Variants in L3MBTL4 observed in about 807,000 individuals in gnomAD.
L3MBTL4 encodes lethal(3)malignant brain tumor-like protein 4.
In L3MBTL4, 70 loss-of-function variants were observed where a neutral mutation model predicts 84.5. The ratio of observed to expected loss-of-function variants is 0.83; its 90% CI spans 0.68 to 1.01. The LOEUF (loss-of-function observed/expected upper bound fraction) is 1.01, where lower values mean the gene tolerates loss of function less well. Ranked by LOEUF, L3MBTL4 falls within the 50% of genes least tolerant of loss-of-function variation. The pLI is 0.00. For synonymous variants in L3MBTL4, 274 were observed against 259.8 expected, an observed-to-expected ratio of 1.05 and a Z score of -0.52; for missense variants, 715 against 754.8, an observed-to-expected ratio of 0.95 and a Z score of 0.62.
intron 16 of L3MBTL4, among the ~76,000 whole-genome samples, chr18:6,053,440 G>A (rs1030145338): frequency 1.3e-5 from 2 of 152,302 alleles, no homozygotes; most frequent in South Asian, 2.1e-4. Flanking sequence ...ATGAAGGGAA[G>A]GCCCTCATGC....
At chr18:6,010,847 T>A (rs1378817031) in intron 16 of L3MBTL4, among the ~76,000 whole-genome samples, 1 of 152,124 alleles carries the variant, frequency 6.6e-6, no homozygotes, top group Admixed American at 6.5e-5. Context: ...CGACAGCAAA[T>A]TTAATAAAAT....
At chr18:6,012,181 A>C (rs1456520678) in intron 16 of L3MBTL4, among the ~76,000 whole-genome samples, 1 of 152,182 alleles carries the variant, frequency 6.6e-6, no homozygotes, top group African/African-American at 2.4e-5. Flanking sequence ...ATTAGAGGAA[A>C]AGCAGAAAAC....
chr18:6,268,057 T>C (rs1370522557), intron 4 of L3MBTL4, among the ~76,000 whole-genome samples: 3 of 152,222 alleles, frequency 2.0e-5, no homozygotes, highest in Admixed American at 1.3e-4. Context: ...GGGGAAACTG[T>C]CGTGGTATTT....
chr18:6,234,112 C>T (rs183191299), intron 10 of L3MBTL4, among the ~76,000 whole-genome samples: 63 of 152,158 alleles, frequency 4.1e-4, no homozygotes, highest in Non-Finnish European at 1.3e-4. Flanking sequence ...TGGCTAGCGA[C>T]ATGTAGAAAG....
At chr18:6,319,219 C>T (rs965434838) in intron 1 of L3MBTL4, among the ~76,000 whole-genome samples, 1 of 151,876 alleles carries the variant, frequency 6.6e-6, no homozygotes. Context: ...CCTCAAGGAA[C>T]TATGAGAGAA....
intron 16 of L3MBTL4, among the ~76,000 whole-genome samples, chr18:6,040,467 T>A (rs1048214044): frequency 6.6e-6 from 1 of 152,162 alleles, no homozygotes; most frequent in Admixed American, 6.5e-5. Context: ...CCTGCACCAA[T>A]CCATTACAGA....
intron 14 of L3MBTL4, among the ~76,000 whole-genome samples, chr18:6,102,886 T>G (rs1432182402): frequency 1.3e-5 from 2 of 152,200 alleles, no homozygotes; most frequent in Non-Finnish European, 2.9e-5. Context: ...GGTAATAGTT[T>G]CAGCAAACTA....
At chr18:6,052,961 C>T (rs1045640623) in intron 16 of L3MBTL4, among the ~76,000 whole-genome samples, 35 of 152,322 alleles carry the variant, frequency 2.3e-4, no homozygotes, top group African/African-American at 8.2e-4. Flanking sequence ...AGGATTCCAG[C>T]AGGACGTCCC....
chr18:5,960,041 CACACATATATATATAT>C, intron 18 of L3MBTL4, 37 bp downstream of exon 18: 1 of 324,172 alleles, frequency 3.1e-6, no homozygotes. Context: ...TATATATACA[CACACATATATATATAT>C]ATACATATAT....
At chr18:6,144,869 AC>A (rs1259324569) in intron 13 of L3MBTL4, among the ~76,000 whole-genome samples, 1 of 152,218 alleles carries the variant, frequency 6.6e-6, no homozygotes, top group Non-Finnish European at 1.5e-5. Flanking sequence ...AAGCACAGAG[AC>A]AAATGCAAAG....
intron 14 of L3MBTL4, among the ~76,000 whole-genome samples, chr18:6,104,048 G>C (rs2058919608): frequency 1.3e-5 from 2 of 152,174 alleles, no homozygotes; most frequent in Admixed American, 1.3e-4. Context: ...TTCAAAAGGT[G>C]GCCCAGCTCC....
At chr18:6,010,875 CT>C (rs1468964374) in intron 16 of L3MBTL4, among the ~76,000 whole-genome samples, 1 of 152,140 alleles carries the variant, frequency 6.6e-6, no homozygotes, top group Non-Finnish European at 1.5e-5. Flanking sequence ...TGAGGCAAGG[CT>C]AAACATCAAG....
chr18:6,131,499 G>A (rs1297374078), intron 14 of L3MBTL4, among the ~76,000 whole-genome samples: 2 of 152,046 alleles, frequency 1.3e-5, no homozygotes, highest in African/African-American at 4.8e-5. Context: ...TCTGGTAAAG[G>A]TACATATCTA....
At chr18:6,269,144 T>C (rs1191535429) in intron 4 of L3MBTL4, among the ~76,000 whole-genome samples, 3 of 152,286 alleles carry the variant, frequency 2.0e-5, no homozygotes, top group South Asian at 2.1e-4. Flanking sequence ...CGCTCATGGA[T>C]GGTGGCTTTG....
At chr18:6,204,658 T>C (rs1292487853) in intron 12 of L3MBTL4, among the ~76,000 whole-genome samples, 3 of 152,252 alleles carry the variant, frequency 2.0e-5, no homozygotes, top group African/African-American at 7.2e-5. Flanking sequence ...GCATGTTATA[T>C]ACTTTTTCTA....
intron 1 of L3MBTL4, among the ~76,000 whole-genome samples, chr18:6,321,127 C>T (rs1343905553): frequency 6.6e-6 from 1 of 152,058 alleles, no homozygotes; most frequent in Non-Finnish European, 1.5e-5. Flanking sequence ...TATAAAAATT[C>T]TACAACATAA....
chr18:6,219,500 A>C (rs114606995), intron 10 of L3MBTL4, among the ~76,000 whole-genome samples: 7,836 of 137,874 alleles, frequency 0.057, 750 homozygotes, highest in African/African-American at 0.19. Flanking sequence ...CTCATTCTTT[A>C]GGTCCAAGCT....
chr18:6,038,181 T>C, intron 16 of L3MBTL4, among the ~76,000 whole-genome samples: 1 of 151,942 alleles, frequency 6.6e-6, no homozygotes, highest in African/African-American at 2.4e-5. Flanking sequence ...TAAAATAACT[T>C]ACTTAGACAT....
chr18:6,243,428 A>C lies in L3MBTL4; in HGVS notation c.326T>G (p.Val109Gly). 6.3e-7 allele frequency: 1 copy of C among 1,592,766 alleles called. No homozygotes were observed. Residue 109 changes from valine to glycine, a missense_variant and splice_region_variant, in exon 7 of 19, where the codon GTT becomes GGT. Transcript: ENST00000317931. The stretch of plus-strand genomic sequence containing the variant: ...ATGAAGTCTTAGACGGTAACCACAA[A>C]CCTGCAAGATAGAAAGTTTACAATC... ...SVFCVLSVAE[V>G]CGYRLRLHFD...
Sources: allele counts gnomAD v4.1 joint callset (sites outside exome capture counted in the v4.1 genomes callset), GRCh38; gene constraint gnomAD v4.1.1; transcripts MANE v1.5; gene names NCBI Gene and HGNC (gene_info 2026-07-23, HGNC 2026-07-21).